Variants in WWOX observed in about 807,000 individuals in gnomAD.
WWOX encodes WW domain-containing oxidoreductase.
WWOX carries 69 observed loss-of-function variants against 46.2 expected under a neutral mutation model. The observed-to-expected ratio is 1.49, with a 90% confidence interval of 1.23 to 1.82. The LOEUF (loss-of-function observed/expected upper bound fraction) is 1.82, where lower values mean the gene tolerates loss of function less well. Ranked by LOEUF, WWOX falls within the 40% of genes most tolerant of loss-of-function variation. The pLI is 0.00. For missense variants in WWOX, 919 were observed against 542.6 expected (o/e 1.69, Z -6.89); for synonymous variants, 359 against 202.6 (o/e 1.77, Z -6.56).
intron 8 of WWOX, among the ~76,000 whole-genome samples, chr16:78,862,475 C>T (rs570886947): frequency 4.5e-4 from 69 of 151,840 alleles, no homozygotes; most frequent in African/African-American, 1.6e-3. Context: ...TATAAACACA[C>T]AAGTGCATAC....
intron 8 of WWOX, among the ~76,000 whole-genome samples, chr16:78,662,402 C>T (rs1205678409): frequency 6.6e-6 from 1 of 152,010 alleles, no homozygotes; most frequent in Non-Finnish European, 1.5e-5. Flanking sequence ...TGTTCTGTTT[C>T]CCACTGAGAG....
intron 6 of WWOX, among the ~76,000 whole-genome samples, chr16:78,402,580 C>T (rs2082439109): frequency 6.6e-6 from 1 of 152,106 alleles, no homozygotes; most frequent in African/African-American, 2.4e-5. Context: ...TTTCTGAGCC[C>T]CTCTTGAAGG....
intron 8 of WWOX, among the ~76,000 whole-genome samples, chr16:78,440,362 A>G (rs917912013): frequency 2.0e-5 from 3 of 151,702 alleles, no homozygotes; most frequent in African/African-American, 7.3e-5. Flanking sequence ...AGCCTAGAAT[A>G]CTCCTCCTCC....
chr16:78,622,262 G>C (rs1300160522), intron 8 of WWOX, among the ~76,000 whole-genome samples: 1 of 152,090 alleles, frequency 6.6e-6, no homozygotes, highest in Admixed American at 6.5e-5. Flanking sequence ...AACCCTTGTG[G>C]CTGGTCGCAG....
intron 5 of WWOX, among the ~76,000 whole-genome samples, chr16:78,304,905 C>A (rs995606264): frequency 6.6e-6 from 1 of 152,172 alleles, no homozygotes; most frequent in African/African-American, 2.4e-5. Flanking sequence ...TCCTCACTAT[C>A]CATTTTTCTT....
At chr16:78,962,181 G>A (rs1261405885) in intron 8 of WWOX, among the ~76,000 whole-genome samples, 3 of 152,012 alleles carry the variant, frequency 2.0e-5, no homozygotes, top group South Asian at 2.1e-4. Flanking sequence ...AGGCTTTAAT[G>A]AGGACAGCCA....
chr16:79,037,000 A>G (rs1300486793), intron 8 of WWOX, among the ~76,000 whole-genome samples: 8 of 152,178 alleles, frequency 5.3e-5, no homozygotes, highest in Admixed American at 4.6e-4. Flanking sequence ...TGGGTCTCTC[A>G]TGGCTCACGT....
At chr16:78,781,705 G>A (rs1314663215) in intron 8 of WWOX, among the ~76,000 whole-genome samples, 3 of 152,148 alleles carry the variant, frequency 2.0e-5, no homozygotes, top group Non-Finnish European at 2.9e-5. Flanking sequence ...AACTTGGGAG[G>A]TAGAGGATGC....
At chr16:78,415,452 C>T (rs1305931237) in intron 6 of WWOX, among the ~76,000 whole-genome samples, 6 of 152,110 alleles carry the variant, frequency 3.9e-5, no homozygotes, top group Non-Finnish European at 7.3e-5. Context: ...TATCCTGTAA[C>T]TTAGAATGCC....
intron 8 of WWOX, among the ~76,000 whole-genome samples, chr16:78,434,659 C>T (rs959298374): frequency 2.0e-5 from 3 of 152,130 alleles, no homozygotes; most frequent in Admixed American, 6.5e-5. Flanking sequence ...TTAAGGAGCT[C>T]GGTTCAGTGG....
At chr16:78,685,280 T>C (rs1319692093) in intron 8 of WWOX, among the ~76,000 whole-genome samples, 1 of 152,136 alleles carries the variant, frequency 6.6e-6, no homozygotes, top group African/African-American at 2.4e-5. Flanking sequence ...ATGACTCAAG[T>C]GATGAGGCCT....
At chr16:78,143,602 C>T (rs1412549435) in intron 4 of WWOX, among the ~76,000 whole-genome samples, 1 of 152,164 alleles carries the variant, frequency 6.6e-6, no homozygotes, top group Non-Finnish European at 1.5e-5. Context: ...CATTTATTTA[C>T]TGTATTTATG....
intron 7 of WWOX, among the ~76,000 whole-genome samples, chr16:78,426,288 A>G (rs1354997413): frequency 6.6e-6 from 1 of 152,206 alleles, no homozygotes; most frequent in African/African-American, 2.4e-5. Context: ...GAGCTCCAGA[A>G]ATAAATCTGC....
At chr16:78,868,116 C>T (rs116431350) in intron 8 of WWOX, among the ~76,000 whole-genome samples, 335 of 152,200 alleles carry the variant, frequency 2.2e-3, no homozygotes, top group African/African-American at 7.4e-3. Flanking sequence ...AGCCAAACGC[C>T]GGAAATACCC....
intron 8 of WWOX, chr16:79,016,473 A>T (rs2047415101): frequency 6.6e-6 from 1 of 152,100 alleles, no homozygotes; most frequent in African/African-American, 2.4e-5. Context: ...CCTGGGCTAG[A>T]GTGCAGTGGT....
In WWOX at chr16:78,842,987, G is replaced by C. The variant is rs890328602; in HGVS notation, c.1057-368621G>C. Among the ~76,000 whole-genome samples the C allele has an allele frequency of 1.6e-4, 24 of 150,236 alleles. 3 individuals are homozygous for C. Among genetic ancestry groups the C allele is most frequent in the Non-Finnish European group, 3.0e-4 (20 of 67,106 alleles). On this transcript the variant is annotated intron_variant, in intron 8 of 8. Coordinates refer to ENST00000566780, the MANE Select transcript of WWOX (RefSeq NM_016373.4). ...ACCCACAGGCACGCTTCACAGGACT[G>C]GCAGGTGGAGAGGATGTTTGTTAAC...
At chr16:78,722,761 C>A (rs1023850799) in intron 8 of WWOX, among the ~76,000 whole-genome samples, 1 of 137,554 alleles carries the variant, frequency 7.3e-6, no homozygotes, top group Admixed American at 7.9e-5. Flanking sequence ...CTGTGAAGAG[C>A]TGGGTGTGGT....
At position 78,154,471 on chromosome 16, in the gene WWOX, C is replaced by T. The variant is rs1035970259; in HGVS notation, c.410-9712C>T. Among the ~76,000 whole-genome samples the T allele has an allele frequency of 2.7e-5, 4 of 146,210 alleles. No individual in the cohort carries two copies. In the East Asian group the frequency reaches 6.1e-4, roughly 22 times the overall value. On this transcript the variant is annotated intron_variant, in intron 4 of 8. Transcript: ENST00000566780. ...TGTGATTTATTTACACAGAGTTGCTCCCCAATCCTTGATCTTTTTTTTTTT... is the reference window on the plus strand; with the variant it reads ...TGTGATTTATTTACACAGAGTTGCTTCCCAATCCTTGATCTTTTTTTTTTT...
intron 8 of WWOX, among the ~76,000 whole-genome samples, chr16:78,449,708 C>T (rs776288764): frequency 6.6e-5 from 10 of 152,136 alleles, no homozygotes; most frequent in Admixed American, 6.5e-5. Context: ...AAGATTTAGT[C>T]ATTTAATAAG....
Sources: gnomAD v4.1 joint callset for allele counts (sites outside exome capture counted in the v4.1 genomes callset) on GRCh38, gnomAD v4.1.1 for gene constraint, MANE v1.5 for transcripts, NCBI Gene and HGNC (gene_info 2026-07-23, HGNC 2026-07-21) for gene names.